The following SH3RF3 variants were observed in gnomAD, a reference collection of about 807,000 sequenced individuals.
SH3RF3 encodes SH3 domain containing ring finger 3, also known as E3 ubiquitin-protein ligase SH3RF3.
SH3RF3 carries 29 observed loss-of-function variants against 66.3 expected under a neutral mutation model. That is an observed-to-expected ratio of 0.44 (90% CI 0.33 to 0.60). The LOEUF is 0.60. Among genes scored for constraint, SH3RF3 ranks in the 20% least tolerant of loss-of-function variants. The probability of loss-of-function intolerance (pLI) is 0.04; values close to 1 mark genes in which losing one functional copy is unlikely to be tolerated. For missense variants in SH3RF3, 1,194 were observed against 1,190.9 expected (o/e 1.00, Z -0.04); for synonymous variants, 583 against 532.0 (o/e 1.10, Z -1.32).
At chr2:109,221,094 C>G (rs112021853) in intron 1 of SH3RF3, among the ~76,000 whole-genome samples, 18 of 152,286 alleles carry the variant, frequency 1.2e-4, no homozygotes, top group African/African-American at 4.1e-4. Context: ...AGTTATGACA[C>G]GTGCTGCATG....
At chr2:109,327,635 C>A (rs1682189732) in intron 1 of SH3RF3, among the ~76,000 whole-genome samples, 1 of 152,116 alleles carries the variant, frequency 6.6e-6, no homozygotes, top group Non-Finnish European at 1.5e-5. Context: ...TTATTTAGGC[C>A]ATCTTTAATA....
At chr2:109,306,834 G>A (rs370530772) in intron 1 of SH3RF3, among the ~76,000 whole-genome samples, 2 of 152,164 alleles carry the variant, frequency 1.3e-5, no homozygotes, top group Non-Finnish European at 2.9e-5. Context: ...TGCTCTGGTC[G>A]ACGTGTATGT....
chr2:109,153,828 A>G, intron 1 of SH3RF3, among the ~76,000 whole-genome samples: 1 of 152,178 alleles, frequency 6.6e-6, no homozygotes, highest in East Asian at 1.9e-4. Context: ...TTTCCTGCAG[A>G]CCTGCTTCCT....
At chr2:109,300,105 G>C (rs1681418455) in intron 1 of SH3RF3, among the ~76,000 whole-genome samples, 1 of 152,182 alleles carries the variant, frequency 6.6e-6, no homozygotes, top group Non-Finnish European at 1.5e-5. Context: ...AAGAGAGGTG[G>C]ACATTTGATG....
At chr2:109,293,988 G>A (rs766489917) in intron 1 of SH3RF3, among the ~76,000 whole-genome samples, 4 of 152,190 alleles carry the variant, frequency 2.6e-5, no homozygotes, top group African/African-American at 4.8e-5. Context: ...CATCCAGGGG[G>A]CAGTGCTTGG....
At chr2:109,132,291 G>A (rs1676717432) in intron 1 of SH3RF3, among the ~76,000 whole-genome samples, 1 of 152,060 alleles carries the variant, frequency 6.6e-6, no homozygotes, top group Admixed American at 6.5e-5. Context: ...GGCATAGCTT[G>A]TTTACTTTAT....
intron 1 of SH3RF3, among the ~76,000 whole-genome samples, chr2:109,337,057 A>G (rs937034974): frequency 1.3e-5 from 2 of 152,268 alleles, no homozygotes; most frequent in Non-Finnish European, 2.9e-5. Flanking sequence ...TTTTTAACAT[A>G]ATAGCAAACC....
At chr2:109,167,738 A>T (rs1677664406) in intron 1 of SH3RF3, among the ~76,000 whole-genome samples, 1 of 151,914 alleles carries the variant, frequency 6.6e-6, no homozygotes, top group Admixed American at 6.6e-5. Context: ...CGCCTGGCTA[A>T]TTTTTTGTAT....
intron 1 of SH3RF3, among the ~76,000 whole-genome samples, chr2:109,190,953 A>G (rs888999869): frequency 1.3e-5 from 2 of 151,376 alleles, no homozygotes; most frequent in African/African-American, 4.9e-5. Flanking sequence ...TGGGGGAGAT[A>G]ATTCTAATTC....
rs570990387 is a variant in SH3RF3, at chr2:109,248,979, C to G, written c.574-98695C>G. ...GGGATGCAGCCTCCAACTCCTGGGC[C>G]TAAGTGATCCTCCCACCTCAGCCTC... On this transcript the variant is annotated intron_variant, in intron 1 of 9. Transcript: ENST00000309415. 2.7e-4 allele frequency among the ~76,000 whole-genome samples: 41 copies of G among 152,010 alleles called. 1 individual carries two copies. In the South Asian group the frequency reaches 8.1e-3, roughly 30 times the overall value.
intron 1 of SH3RF3, among the ~76,000 whole-genome samples, chr2:109,222,125 CAT>C (rs1679266516): frequency 6.6e-6 from 1 of 151,912 alleles, no homozygotes; most frequent in Admixed American, 6.5e-5. Context: ...CGATCTCACT[CAT>C]ATGTGGAAGC....
chr2:109,423,105 T>C (rs964470840), intron 5 of SH3RF3, among the ~76,000 whole-genome samples: 1 of 152,134 alleles, frequency 6.6e-6, no homozygotes, highest in South Asian at 2.1e-4. Context: ...CAGGGAAAAC[T>C]AGGTACCCTG....
intron 1 of SH3RF3, among the ~76,000 whole-genome samples, chr2:109,276,969 C>T (rs57847704): frequency 0.011 from 1,603 of 152,204 alleles, 29 homozygotes; most frequent in African/African-American, 0.036. Flanking sequence ...GGGGACTCGG[C>T]TTCTCCCTGA....
At chr2:109,491,198 A>G (rs1679124232) in intron 9 of SH3RF3, among the ~76,000 whole-genome samples, 1 of 152,176 alleles carries the variant, frequency 6.6e-6, no homozygotes, top group South Asian at 2.1e-4. Flanking sequence ...GAAATGTGTC[A>G]GGACCAAGTG....
At chr2:109,434,135 A>C (rs955647797) in intron 6 of SH3RF3, among the ~76,000 whole-genome samples, 2 of 152,186 alleles carry the variant, frequency 1.3e-5, no homozygotes, top group Admixed American at 6.5e-5. Context: ...TCTTCCAGGA[A>C]AGCACAGGTC....
chr2:109,162,434 T>C (rs1297782597), intron 1 of SH3RF3, among the ~76,000 whole-genome samples: 1 of 152,226 alleles, frequency 6.6e-6, no homozygotes, highest in Non-Finnish European at 1.5e-5. Context: ...TTTATTATAC[T>C]TTAAGTTTTA....
intron 8 of SH3RF3, among the ~76,000 whole-genome samples, chr2:109,462,045 G>A (rs1678219438): frequency 6.6e-6 from 1 of 151,778 alleles, no homozygotes; most frequent in Non-Finnish European, 1.5e-5. Flanking sequence ...ATTTCACTGA[G>A]GTAGAAGGCC....
intron 1 of SH3RF3, among the ~76,000 whole-genome samples, chr2:109,188,264 C>G (rs1429444143): frequency 6.6e-6 from 1 of 152,224 alleles, no homozygotes; most frequent in African/African-American, 2.4e-5. Context: ...GCCACCCCAG[C>G]AGACAACTGT....
chr2:109,480,158 G>A (rs1678798564), intron 8 of SH3RF3, among the ~76,000 whole-genome samples: 1 of 152,180 alleles, frequency 6.6e-6, no homozygotes, highest in Non-Finnish European at 1.5e-5. Flanking sequence ...ACCACATTAA[G>A]ACATCTGCTT....
Sources: allele counts gnomAD v4.1 joint callset (sites outside exome capture counted in the v4.1 genomes callset), GRCh38; gene constraint gnomAD v4.1.1; transcripts MANE v1.5; gene names NCBI Gene and HGNC (gene_info 2026-07-23, HGNC 2026-07-21).